PTPRN2: variants seen among roughly 807,000 people sequenced by gnomAD.
PTPRN2 encodes the protein protein tyrosine phosphatase receptor type N2.
In PTPRN2, 74 loss-of-function variants were observed where a neutral mutation model predicts 118.8. That is an observed-to-expected ratio of 0.62 (90% CI 0.52 to 0.76). The LOEUF is 0.76. Ranked by LOEUF, PTPRN2 falls within the 30% of genes least tolerant of loss-of-function variation. PTPRN2 has a pLI of 0.00. For missense variants in PTPRN2, 1,481 were observed against 1,394.4 expected (o/e 1.06, Z -0.99); for synonymous variants, 641 against 608.0 (o/e 1.05, Z -0.80).
chr7:157,903,704 G>A lies in PTPRN2; in HGVS notation c.1724-4967C>T, dbSNP rs147026233. On this transcript the variant is annotated intron_variant, in intron 11 of 22. Coordinates refer to ENST00000389418, the MANE Select transcript of PTPRN2 (RefSeq NM_002847.5). This position sits in a 1 kb window ranked among gnomAD's most constrained non-coding sequence, Gnocchi z 4.2. Reference sequence around the variant, plus strand: ...GAGTACAAGGGACAGTTTCATTCTCGAGCTAATCTGAGACTGCAGTGTAAG... The same window carrying A: ...GAGTACAAGGGACAGTTTCATTCTCAAGCTAATCTGAGACTGCAGTGTAAG... Among the ~76,000 whole-genome samples, 3 of 150,632 alleles carry A rather than the reference G, an allele frequency of 2.0e-5. No individual in the cohort carries two copies. Among genetic ancestry groups the A allele is most frequent in the East Asian group, 1.9e-4 (1 of 5,148 alleles).
At chr7:158,389,769 A>C (rs530670427) in intron 2 of PTPRN2, among the ~76,000 whole-genome samples, 46 of 152,350 alleles carry the variant, frequency 3.0e-4, no homozygotes, top group Non-Finnish European at 5.4e-4. Flanking sequence ...AAATGGGCTA[A>C]ACGCAAGTTC....
intron 11 of PTPRN2, among the ~76,000 whole-genome samples, chr7:158,035,155 G>A (rs1203251817): frequency 6.6e-6 from 1 of 152,204 alleles, no homozygotes; most frequent in Non-Finnish European, 1.5e-5. Context: ...CGTCACGATA[G>A]TGTGTTTACA....
rs1797458638 is a variant in PTPRN2 at position 157,691,006 on chromosome 7, G to C, written c.1789-8069C>G. ...CCGCGCCCCGCCTTATATCCGGCCC[G>C]GCGCGCACCCGGCCGGCGGCGGCGC... On this transcript the variant is annotated intron_variant, in intron 12 of 22. Coordinates refer to ENST00000389418, the MANE Select transcript of PTPRN2 (RefSeq NM_002847.5). 2.0e-5 allele frequency among the ~76,000 whole-genome samples: 3 copies of C among 148,092 alleles called. No individual in the cohort carries two copies. The South Asian group carries it at 6.3e-4, about 31-fold the overall frequency.
intron 3 of PTPRN2, among the ~76,000 whole-genome samples, chr7:158,257,254 C>T (rs566569591): frequency 6.6e-6 from 1 of 152,300 alleles, no homozygotes; most frequent in African/African-American, 2.4e-5. Context: ...ACGCGGAACC[C>T]GACCCCTCAG....
chr7:158,067,818 G>A (rs1011929659), intron 11 of PTPRN2, among the ~76,000 whole-genome samples: 36 of 151,680 alleles, frequency 2.4e-4, no homozygotes, highest in African/African-American at 6.0e-4. Context: ...AGGCTGGGCC[G>A]TGGGCAGCAC....
intron 3 of PTPRN2, among the ~76,000 whole-genome samples, chr7:158,273,788 CG>C (rs545422236): frequency 1.2e-4 from 10 of 84,448 alleles, no homozygotes; most frequent in African/African-American, 1.8e-4. Context: ...GCCGCAGACA[CG>C]GGGAGCCGCA....
intron 10 of PTPRN2, among the ~76,000 whole-genome samples, chr7:158,085,308 CCCA>C (rs1458311877): frequency 1.5e-5 from 2 of 134,450 alleles, no homozygotes; most frequent in Admixed American, 7.2e-5. Flanking sequence ...CCCATCCACA[CCCA>C]CGACGCCCAT....
intron 2 of PTPRN2, among the ~76,000 whole-genome samples, chr7:158,391,279 G>A (rs1283430782): frequency 2.0e-5 from 3 of 152,280 alleles, no homozygotes; most frequent in East Asian, 1.9e-4. Flanking sequence ...GTGAGCCCAC[G>A]CCATCCCTCC....
intron 2 of PTPRN2, among the ~76,000 whole-genome samples, chr7:158,478,215 C>G (rs949938781): frequency 6.6e-6 from 1 of 152,226 alleles, no homozygotes; most frequent in Admixed American, 6.5e-5. Flanking sequence ...ATGACTGCTA[C>G]GTCTGGTCCC....
At chr7:158,401,336 G>A (rs765429175) in intron 2 of PTPRN2, among the ~76,000 whole-genome samples, 1 of 152,256 alleles carries the variant, frequency 6.6e-6, no homozygotes, top group Non-Finnish European at 1.5e-5. Flanking sequence ...ACCTCCACCA[G>A]GGAGAAAATA....
At chr7:158,358,589 C>T (rs181848482) in intron 2 of PTPRN2, among the ~76,000 whole-genome samples, 3 of 152,306 alleles carry the variant, frequency 2.0e-5, no homozygotes, top group East Asian at 1.9e-4. Flanking sequence ...AGAAACAGAA[C>T]GTGGTCTATT....
intron 2 of PTPRN2, among the ~76,000 whole-genome samples, chr7:158,458,998 C>T (rs1468444731): frequency 6.6e-6 from 1 of 152,196 alleles, no homozygotes; most frequent in Non-Finnish European, 1.5e-5. Context: ...GAGACGGCAA[C>T]ATCTGTGGGG....
intron 11 of PTPRN2, among the ~76,000 whole-genome samples, chr7:157,941,993 T>TTCCAGAGGAGGTGATCTTGAGGCACCA (rs1563259781): frequency 1.6e-4 from 24 of 151,610 alleles, no homozygotes; most frequent in African/African-American, 5.3e-4. Flanking sequence ...CAGCACACCT[T>TTCCAGAGGAGGTGATCTTGAGGCACCA]CAAATATGGG....
At position 158,188,176 on chromosome 7, in the gene PTPRN2, G is replaced by A. The variant is rs1275840403; in HGVS notation, c.549+4151C>T. ...CCCCCTGTACTGGGAAGGCCGCCAC[G>A]CTCGCCCCGCGATGGGGAAGGCCGC... On this transcript the variant is annotated intron_variant, in intron 5 of 22. Transcript: ENST00000389418. Among the ~76,000 whole-genome samples the A allele has an allele frequency of 2.8e-4, 39 of 138,286 alleles. No homozygotes were observed. The South Asian group carries it at 4.3e-3, about 15-fold the overall frequency. The allele number at this position is 138,286 out of a possible 152,430, so 90.7% of individuals were successfully genotyped here.
intron 12 of PTPRN2, among the ~76,000 whole-genome samples, chr7:157,837,352 C>T (rs574704628): frequency 5.3e-5 from 8 of 151,888 alleles, no homozygotes; most frequent in South Asian, 2.1e-4. Context: ...GAGAATTGCT[C>T]GCTTGTTGTG....
Position 158,206,827 on chromosome 7 carries a change from CTTTAAG to C in PTPRN2, c.278-1560_278-1555del, listed in dbSNP as rs1056501621. Among the ~76,000 whole-genome samples the C allele has an allele frequency of 7.0e-4, 104 of 149,570 alleles. 2 individuals are homozygous for C. The highest frequency in any genetic ancestry group is 2.4e-3 in the African/African-American group (99 of 40,566). ...AATTTATTTATTTTTTATTATTATA[CTTTAAG>C]TTTTAGGGTACATGTGCACATTGTA... On this transcript the variant is annotated intron_variant, in intron 3 of 22. Transcript: ENST00000389418.
chr7:157,901,968 C>T (rs530550922), intron 11 of PTPRN2, among the ~76,000 whole-genome samples: 1 of 152,076 alleles, frequency 6.6e-6, no homozygotes, highest in East Asian at 1.9e-4. Context: ...CCTTCCCGTC[C>T]GTGTTTCCTT....
intron 4 of PTPRN2, among the ~76,000 whole-genome samples, chr7:158,203,601 C>CG (rs1265723289): frequency 3.9e-5 from 6 of 151,936 alleles, no homozygotes; most frequent in Non-Finnish European, 8.8e-5. Context: ...TCTGCACCCC[C>CG]CCAGAGTGAG....
intron 12 of PTPRN2, among the ~76,000 whole-genome samples, chr7:157,721,122 G>A (rs1034245018): frequency 6.6e-6 from 1 of 152,162 alleles, no homozygotes; most frequent in African/African-American, 2.4e-5. Context: ...AGAAGACTTC[G>A]GGGCAAAAGG....
Sources: allele counts gnomAD v4.1 joint callset (sites outside exome capture counted in the v4.1 genomes callset), GRCh38; gene constraint gnomAD v4.1.1; non-coding constraint Gnocchi (gnomAD v3.1); transcripts MANE v1.5; gene names NCBI Gene and HGNC (gene_info 2026-07-23, HGNC 2026-07-21).